QKI: variants seen among roughly 807,000 people sequenced by gnomAD.
The protein encoded by QKI is QKI, KH domain containing RNA binding, also known as KH domain-containing RNA-binding protein QKI.
QKI carries 10 observed loss-of-function variants against 39.0 expected under a neutral mutation model. That is an observed-to-expected ratio of 0.26 (90% confidence interval 0.16 to 0.43). QKI has a LOEUF of 0.43. Among genes scored for constraint, QKI ranks in the 20% least tolerant of loss-of-function variants. QKI has a pLI of 1.00. For synonymous variants in QKI, 204 were observed against 155.4 expected, an observed-to-expected ratio of 1.31 and a Z score of -2.33; for missense variants, 218 against 428.0, an observed-to-expected ratio of 0.51 and a Z score of 4.33.
intron 1 of QKI, among the ~76,000 whole-genome samples, chr6:163,436,528 A>T (rs998950383): frequency 1.2e-4 from 18 of 152,132 alleles, no homozygotes; most frequent in African/African-American, 4.3e-4. Flanking sequence ...GAAAAGGAAG[A>T]AATGGCAAGG....
chr6:163,489,487 ACT>A (rs140876808), intron 3 of QKI, among the ~76,000 whole-genome samples: 2,977 of 150,234 alleles, frequency 0.02, 129 homozygotes, highest in African/African-American at 0.071. Flanking sequence ...TGTTATGAAC[ACT>A]GTTACCACCT....
intron 1 of QKI, among the ~76,000 whole-genome samples, chr6:163,421,901 C>T (rs1349969760): frequency 4.6e-5 from 7 of 151,830 alleles, no homozygotes; most frequent in Non-Finnish European, 8.8e-5. Context: ...CCCGCCACCA[C>T]GCCCGGCTAA....
intron 2 of QKI, among the ~76,000 whole-genome samples, chr6:163,464,581 A>G (rs1029864206): frequency 4.6e-5 from 7 of 152,332 alleles, no homozygotes; most frequent in African/African-American, 1.7e-4. Flanking sequence ...AAAATTGAAC[A>G]AACTAGAAGA....
At chr6:163,438,727 G>A (rs1789501692) in intron 1 of QKI, among the ~76,000 whole-genome samples, 1 of 151,988 alleles carries the variant, frequency 6.6e-6, no homozygotes, top group South Asian at 2.1e-4. Context: ...AGTTGCTCTC[G>A]GTGAGTCAGT....
At chr6:163,564,928 G>C in intron 6 of QKI, 1 of 1,343,302 alleles carries the variant, frequency 7.4e-7, no homozygotes, top group Non-Finnish European at 9.5e-7. Context: ...GATTTATAAA[G>C]ATTTGAAAAT....
intron 1 of QKI, among the ~76,000 whole-genome samples, chr6:163,440,129 C>T (rs1414471441): frequency 1.3e-5 from 2 of 152,178 alleles, no homozygotes; most frequent in Admixed American, 6.5e-5. Flanking sequence ...AATTTCTACT[C>T]ACTGCCCCAT....
chr6:163,472,920 C>T (rs1227782857), intron 2 of QKI, among the ~76,000 whole-genome samples: 1 of 150,482 alleles, frequency 6.6e-6, no homozygotes, highest in South Asian at 2.1e-4. Flanking sequence ...ATATTCATTT[C>T]AAAAAATTGG....
intron 1 of QKI, among the ~76,000 whole-genome samples, chr6:163,422,006 C>T (rs1788031359): frequency 1.3e-5 from 2 of 151,840 alleles, no homozygotes. Flanking sequence ...GCTCTTGACC[C>T]CATGATCTGA....
chr6:163,464,569 A>T (rs1038194566), intron 2 of QKI, among the ~76,000 whole-genome samples: 1 of 152,198 alleles, frequency 6.6e-6, no homozygotes, highest in African/African-American at 2.4e-5. Flanking sequence ...AATATATGCC[A>T]AAAAATTGAA....
At chr6:163,488,578 A>G (rs1777831927) in intron 3 of QKI, among the ~76,000 whole-genome samples, 1 of 152,196 alleles carries the variant, frequency 6.6e-6, no homozygotes. Flanking sequence ...AAAAAGGAAT[A>G]CAAAGCAGTC....
At chr6:163,435,059 T>G (rs1047903889) in intron 1 of QKI, among the ~76,000 whole-genome samples, 1 of 152,214 alleles carries the variant, frequency 6.6e-6, no homozygotes, top group African/African-American at 2.4e-5. Context: ...CTTGTGTATA[T>G]TCTGTATATT....
intron 3 of QKI, among the ~76,000 whole-genome samples, chr6:163,488,337 A>AAG (rs965959373): frequency 5.9e-5 from 9 of 151,946 alleles, no homozygotes; most frequent in South Asian, 2.1e-4. Context: ...GACAAAAAAA[A>AAG]AGAGAGAGAG....
intron 3 of QKI, among the ~76,000 whole-genome samples, chr6:163,498,177 C>T (rs6924130): frequency 0.7 from 99,914 of 142,670 alleles, 35,551 homozygotes; most frequent in East Asian, 1. Flanking sequence ...TTGCTCCTAC[C>T]GCAGCTGTGG....
intron 5 of QKI, among the ~76,000 whole-genome samples, chr6:163,563,136 A>G (rs545866935): frequency 1.3e-5 from 2 of 152,338 alleles, no homozygotes; most frequent in Admixed American, 6.5e-5. Flanking sequence ...AATCTTAGAT[A>G]TATCAAATGT....
At chr6:163,491,496 CT>C (rs1778052066) in intron 3 of QKI, among the ~76,000 whole-genome samples, 2 of 150,972 alleles carry the variant, frequency 1.3e-5, no homozygotes, top group African/African-American at 4.9e-5. Flanking sequence ...TTTTTTTGCT[CT>C]GTGTTTATAA....
At chr6:163,472,618 T>C (rs1246414524) in intron 2 of QKI, among the ~76,000 whole-genome samples, 1 of 152,188 alleles carries the variant, frequency 6.6e-6, no homozygotes, top group Non-Finnish European at 1.5e-5. Context: ...TTTACAAAAA[T>C]TGACCATATG....
Position 163,559,499 on chromosome 6 carries a change from G to A in QKI, c.547-2483G>A, listed in dbSNP as rs955793508. Among the ~76,000 whole-genome samples, 6 of 151,978 alleles carry A rather than the reference G, an allele frequency of 3.9e-5. No homozygotes were observed. The South Asian group carries it at 1.0e-3, about 26-fold the overall frequency. On this transcript the variant is annotated intron_variant, in intron 4 of 7. Transcript: ENST00000361752. ...TTTCCAATAGTAGCTTACTTATTTC[G>A]TTTTTAACAAATAATTTCTGTGTCT...
intron 1 of QKI, among the ~76,000 whole-genome samples, chr6:163,417,130 A>T (rs950790713): frequency 6.6e-6 from 1 of 152,180 alleles, no homozygotes; most frequent in Non-Finnish European, 1.5e-5. Flanking sequence ...CATTGAAAAT[A>T]CTTTCCTTAA....
rs141916684 is a variant in QKI at position 163,463,907 on chromosome 6, G to A, written c.285+8486G>A. Among the ~76,000 whole-genome samples, 1,122 of 152,218 alleles carry A rather than the reference G, an allele frequency of 7.4e-3. 8 individuals carry two copies. The highest frequency in any genetic ancestry group is 0.027 in the Middle Eastern group (8 of 294). On this transcript the variant is annotated intron_variant, in intron 2 of 7. Coordinates refer to ENST00000361752, the MANE Select transcript of QKI (RefSeq NM_006775.3). ...AAGCAATTCACTCTTCTGTAAAAAT[G>A]GCAGGTACTTTTAATTTTTCTTCCC...
Sources: gnomAD v4.1 joint callset for allele counts (sites outside exome capture counted in the v4.1 genomes callset) on GRCh38, gnomAD v4.1.1 for gene constraint, MANE v1.5 for transcripts, NCBI Gene and HGNC (gene_info 2026-07-23, HGNC 2026-07-21) for gene names.